Variants in KCNMA1 observed in about 807,000 individuals in gnomAD.
KCNMA1 encodes potassium calcium-activated channel subfamily M alpha 1, also known as Calcium-activated potassium channel subunit alpha-1.
A neutral mutation model predicts 140.0 loss-of-function variants in KCNMA1; 29 were observed. The ratio of observed to expected loss-of-function variants is 0.21; its 90% confidence interval spans 0.15 to 0.28. The LOEUF is 0.28. Among genes scored for constraint, KCNMA1 ranks in the 10% least tolerant of loss-of-function variants. The probability of loss-of-function intolerance (pLI) is 1.00; values close to 1 mark genes in which losing one functional copy is unlikely to be tolerated. For missense variants in KCNMA1, 880 were observed against 1,602.2 expected, an observed-to-expected ratio of 0.55 and a Z score of 7.70; for synonymous variants, 612 against 611.9, an observed-to-expected ratio of 1.00 and a Z score of 0.00.
At chr10:76,879,903 C>A (rs532963442), downstream of KCNMA1, among the ~76,000 whole-genome samples, 1 of 152,148 alleles carries the variant, frequency 6.6e-6, no homozygotes, top group African/African-American at 2.4e-5. Context: ...TTTCACACTA[C>A]GACTTTTTCC....
chr10:77,007,964 A>C (rs967970466), intron 18 of KCNMA1, among the ~76,000 whole-genome samples: 70 of 152,156 alleles, frequency 4.6e-4, no homozygotes, highest in Non-Finnish European at 8.4e-4. Flanking sequence ...ACTGGGGTGG[A>C]TGGATGGAGA....
rs187081044 is a variant in KCNMA1 at position 76,993,768 on chromosome 10, T to C, written c.2266+7639A>G. On this transcript the variant is annotated intron_variant, in intron 19 of 27. Coordinates refer to ENST00000286628, the MANE Select transcript of KCNMA1 (RefSeq NM_001161352.2). ...ATAGTGTCGCACTGTCTAAAGACTT[T>C]CTATCATATTACAGACTAAGAACAA... Among the ~76,000 whole-genome samples the C allele has an allele frequency of 5.3e-3, 801 of 152,334 alleles. 4 individuals carry two copies. The highest frequency in any genetic ancestry group is 0.014 in the Middle Eastern group (4 of 294).
chr10:77,608,118 T>A (rs1487460294), intron 1 of KCNMA1, among the ~76,000 whole-genome samples: 1 of 152,072 alleles, frequency 6.6e-6, no homozygotes, highest in Non-Finnish European at 1.5e-5. Context: ...AAGACACCAT[T>A]CCTCTGCACG....
chr10:77,616,339 G>A (rs189814851), intron 1 of KCNMA1, among the ~76,000 whole-genome samples: 4 of 152,276 alleles, frequency 2.6e-5, no homozygotes, highest in Admixed American at 1.3e-4. Context: ...GCCCACATTA[G>A]GGGAAAATGT....
intron 19 of KCNMA1, 197 bp from the exon 20 acceptor site, chr10:76,970,264 T>C (rs2075643673): frequency 3.2e-6 from 2 of 621,940 alleles, no homozygotes; most frequent in East Asian, 2.9e-5. Context: ...AACACCTCTT[T>C]ACACTCCAGC....
At chr10:77,565,665 C>T (rs887184828) in intron 1 of KCNMA1, among the ~76,000 whole-genome samples, 2 of 152,214 alleles carry the variant, frequency 1.3e-5, no homozygotes, top group Non-Finnish European at 2.9e-5. Flanking sequence ...AGAGATAGTT[C>T]CCACCCAAGA....
intron 3 of KCNMA1, among the ~76,000 whole-genome samples, chr10:77,233,405 T>G (rs2054283191): frequency 6.6e-6 from 1 of 152,188 alleles, no homozygotes; most frequent in South Asian, 2.1e-4. Flanking sequence ...CCAAAAAAAT[T>G]ACATCTTTAT....
At chr10:77,559,464 T>G (rs1328039602) in intron 1 of KCNMA1, among the ~76,000 whole-genome samples, 1 of 152,182 alleles carries the variant, frequency 6.6e-6, no homozygotes, top group East Asian at 1.9e-4. Context: ...TCAATGGTGC[T>G]GCACCTTAAC....
intron 5 of KCNMA1, among the ~76,000 whole-genome samples, chr10:77,139,401 G>A (rs1441369116): frequency 6.6e-6 from 1 of 152,170 alleles, no homozygotes; most frequent in Admixed American, 6.5e-5. Flanking sequence ...ACAGAAGCAT[G>A]AATATTTAGA....
At chr10:77,552,680 T>C (rs1366564588) in intron 1 of KCNMA1, among the ~76,000 whole-genome samples, 3 of 152,194 alleles carry the variant, frequency 2.0e-5, no homozygotes, top group African/African-American at 7.2e-5. Context: ...TGATCTTCTT[T>C]TCTTGTGAAC....
intron 1 of KCNMA1, among the ~76,000 whole-genome samples, chr10:77,613,679 G>A (rs1045029085): frequency 6.6e-6 from 1 of 152,204 alleles, no homozygotes; most frequent in Non-Finnish European, 1.5e-5. Context: ...CAGGATGTTT[G>A]CGTTCAAGCC....
At position 76,885,376 on chromosome 10, in the gene KCNMA1, C is replaced by A; in HGVS notation, c.*1890G>T. On this transcript the variant is annotated 3_prime_UTR_variant, in exon 28 of 28. Coordinates refer to ENST00000286628, the MANE Select transcript of KCNMA1 (RefSeq NM_001161352.2). Reference sequence around the variant, plus strand: ...GATAATTTACATGTATACAATTATTCCCCACCACAATACTGGTTTGAATAC... The same window carrying A: ...GATAATTTACATGTATACAATTATTACCCACCACAATACTGGTTTGAATAC... 6 of 984,776 alleles carry A rather than the reference C, an allele frequency of 6.1e-6. No homozygotes were observed. The highest frequency in any genetic ancestry group is 7.2e-6 in the Non-Finnish European group (6 of 829,698). 61.0% of individuals were successfully genotyped at this position (984,776 alleles called of 1,614,324 possible). A position where few individuals can be genotyped will look rare whatever the true frequency, so the allele number is the denominator to read the frequency against.
chr10:77,434,489 G>A (rs1002625631), intron 1 of KCNMA1, among the ~76,000 whole-genome samples: 4 of 152,296 alleles, frequency 2.6e-5, no homozygotes, highest in African/African-American at 9.6e-5. Flanking sequence ...TCTCCTAAGC[G>A]AGAGGCTCCC....
At chr10:77,542,772 G>A (rs1029011496) in intron 1 of KCNMA1, among the ~76,000 whole-genome samples, 20 of 152,136 alleles carry the variant, frequency 1.3e-4, no homozygotes, top group Admixed American at 2.6e-4. Context: ...GTGGGGGCAG[G>A]AACAGGATTT....
intron 14 of KCNMA1, among the ~76,000 whole-genome samples, chr10:77,067,940 T>C (rs112033391): frequency 1.3e-5 from 2 of 152,198 alleles, no homozygotes; most frequent in East Asian, 1.9e-4. Flanking sequence ...GCATCAATAG[T>C]TCACATAGAA....
chr10:76,891,514 T>C lies in KCNMA1; in HGVS notation c.3342+11A>G. The C allele has an allele frequency of 1.9e-6, 3 of 1,610,204 alleles. No individual in the cohort carries two copies. Among genetic ancestry groups the C allele is most frequent in the Non-Finnish European group, 2.5e-6 (3 of 1,178,196 alleles). ...CAGCAAGCTCAGGTGACCTCGGTGC[T>C]GTGGACTCACCCCTAAGTCCGCAAA... On this transcript the variant is annotated intron_variant, in intron 26 of 27. Coordinates refer to ENST00000286628, the MANE Select transcript of KCNMA1 (RefSeq NM_001161352.2).
chr10:76,920,016 GTGTGTATA>G (rs1198569706), intron 23 of KCNMA1, among the ~76,000 whole-genome samples: 13 of 44,286 alleles, frequency 2.9e-4, no homozygotes, highest in African/African-American at 1.5e-3. Flanking sequence ...GTGTGTGTGT[GTGTGTATA>G]TATATATATA....
At chr10:76,906,860 G>A (rs774759449) in intron 25 of KCNMA1, among the ~76,000 whole-genome samples, 2 of 152,162 alleles carry the variant, frequency 1.3e-5, no homozygotes, top group African/African-American at 2.4e-5. Context: ...GATCCAACTA[G>A]ATTTGTGGAC....
At chr10:77,036,363 AC>A (rs2094332783) in intron 15 of KCNMA1, among the ~76,000 whole-genome samples, 1 of 151,932 alleles carries the variant, frequency 6.6e-6, no homozygotes. Flanking sequence ...CTCAAATTTC[AC>A]CCCTACATCC....
Sources: allele counts gnomAD v4.1 joint callset (sites outside exome capture counted in the v4.1 genomes callset), GRCh38; gene constraint gnomAD v4.1.1; transcripts MANE v1.5; gene names NCBI Gene and HGNC (gene_info 2026-07-23, HGNC 2026-07-21).